The following TACR3 variants were observed in gnomAD, a reference collection of about 807,000 sequenced individuals.
The protein encoded by TACR3 is tachykinin receptor 3.
TACR3 carries 34 observed loss-of-function variants against 35.0 expected under a neutral mutation model. The observed-to-expected ratio is 0.97, with a 90% confidence interval of 0.74 to 1.30. The LOEUF (loss-of-function observed/expected upper bound fraction) is 1.30, where lower values mean the gene tolerates loss of function less well. Among genes scored for constraint, TACR3 ranks in the 50% most tolerant of loss-of-function variants. The probability of loss-of-function intolerance (pLI) is 0.00; values close to 1 mark genes in which losing one functional copy is unlikely to be tolerated. For synonymous variants in TACR3, 233 were observed against 221.1 expected, an observed-to-expected ratio of 1.05 and a Z score of -0.48; for missense variants, 558 against 591.7, an observed-to-expected ratio of 0.94 and a Z score of 0.59.
intron 3 of TACR3, among the ~76,000 whole-genome samples, chr4:103,617,563 GCT>G (rs1460484787): frequency 1.3e-5 from 2 of 152,106 alleles, no homozygotes; most frequent in Non-Finnish European, 2.9e-5. Context: ...ATTAATTGCT[GCT>G]GTTTCTGGTC....
intron 1 of TACR3, among the ~76,000 whole-genome samples, chr4:103,688,536 T>G (rs1432929276): frequency 6.7e-6 from 1 of 149,612 alleles, no homozygotes; most frequent in Non-Finnish European, 1.5e-5. Flanking sequence ...TACAATGAAC[T>G]CAAACAAATT....
chr4:103,643,860 C>T (rs934289216), intron 3 of TACR3, among the ~76,000 whole-genome samples: 6 of 151,708 alleles, frequency 4.0e-5, no homozygotes, highest in Admixed American at 1.3e-4. Context: ...TTCCATCTCT[C>T]CTGAATTTGT....
At chr4:103,680,778 C>A (rs1722052487) in intron 1 of TACR3, among the ~76,000 whole-genome samples, 1 of 151,596 alleles carries the variant, frequency 6.6e-6, no homozygotes, top group Non-Finnish European at 1.5e-5. Flanking sequence ...CCATGAGGAT[C>A]TTTTAAACTC....
At chr4:103,652,642 T>C (rs1036151634) in intron 3 of TACR3, among the ~76,000 whole-genome samples, 1 of 152,150 alleles carries the variant, frequency 6.6e-6, no homozygotes, top group African/African-American at 2.4e-5. Context: ...GAGGCTTCTA[T>C]TTGACCATCC....
intron 1 of TACR3, among the ~76,000 whole-genome samples, chr4:103,663,514 A>C: frequency 6.8e-6 from 1 of 147,570 alleles, no homozygotes; most frequent in South Asian, 2.1e-4. Context: ...AAAAACATAT[A>C]TATAAAGAAT....
At chr4:103,679,946 G>A (rs1726254199) in intron 1 of TACR3, among the ~76,000 whole-genome samples, 1 of 151,828 alleles carries the variant, frequency 6.6e-6, no homozygotes, top group Admixed American at 6.6e-5. Flanking sequence ...GTAGTTTGGT[G>A]TGATAAACCC....
intron 3 of TACR3, among the ~76,000 whole-genome samples, chr4:103,594,408 C>T (rs1251447866): frequency 6.6e-6 from 1 of 152,052 alleles, no homozygotes; most frequent in Admixed American, 6.6e-5. Context: ...AAACTCCTGA[C>T]CTTGTAGATC....
chr4:103,618,367 G>C (rs1176014937), intron 3 of TACR3, among the ~76,000 whole-genome samples: 1 of 152,020 alleles, frequency 6.6e-6, no homozygotes, highest in African/African-American at 2.4e-5. Flanking sequence ...TGTCAGTCTT[G>C]ACAAAGTTCA....
At chr4:103,602,379 T>C (rs1300082960) in intron 3 of TACR3, among the ~76,000 whole-genome samples, 2 of 152,236 alleles carry the variant, frequency 1.3e-5, no homozygotes, top group Non-Finnish European at 2.9e-5. Flanking sequence ...CCTTCTTCTC[T>C]CAACTCCTCT....
chr4:103,676,940 A>G (rs1302986436), intron 1 of TACR3, among the ~76,000 whole-genome samples: 1 of 152,226 alleles, frequency 6.6e-6, no homozygotes, highest in Admixed American at 6.5e-5. Context: ...AGAATGGGAG[A>G]ATATTTTTGC....
rs1491010203 is a variant in TACR3, at chr4:103,590,044, ATG to A, written c.1086-52_1086-51del. ...GAAAAAGTTATTTTTTCAAGCAGATATGTCTTTCAGCTGCCACAGAAAATTCT... is the reference window on the plus strand; with the variant it reads ...GAAAAAGTTATTTTTTCAAGCAGATATCTTTCAGCTGCCACAGAAAATTCT... On this transcript the variant is annotated intron_variant, in intron 4 of 4. Coordinates refer to ENST00000304883, the MANE Select transcript of TACR3 (RefSeq NM_001059.3). 4.5e-6 allele frequency: 7 copies of A among 1,570,550 alleles called. No homozygotes were observed. The Admixed American group carries it at 1.3e-4, about 30-fold the overall frequency.
At chr4:103,644,196 G>A (rs1378805163) in intron 3 of TACR3, among the ~76,000 whole-genome samples, 1 of 151,724 alleles carries the variant, frequency 6.6e-6, no homozygotes, top group Non-Finnish European at 1.5e-5. Context: ...AGATATAGAA[G>A]GCTCTCCTGA....
At chr4:103,693,876 G>C (rs1207524356) in intron 1 of TACR3, among the ~76,000 whole-genome samples, 1 of 151,972 alleles carries the variant, frequency 6.6e-6, no homozygotes, top group Non-Finnish European at 1.5e-5. Context: ...TATTGCTACA[G>C]TTTATTCTGT....
At chr4:103,682,300 T>C (rs1423395425) in intron 1 of TACR3, among the ~76,000 whole-genome samples, 1 of 152,100 alleles carries the variant, frequency 6.6e-6, no homozygotes, top group Admixed American at 6.6e-5. Flanking sequence ...GCTATAAAGA[T>C]ACTACCCAAG....
intron 3 of TACR3, among the ~76,000 whole-genome samples, chr4:103,615,038 G>A (rs1724610956): frequency 6.6e-6 from 1 of 151,532 alleles, no homozygotes; most frequent in South Asian, 2.1e-4. Context: ...GGGACTACAG[G>A]CGCCCGCCAT....
chr4:103,611,051 A>G (rs1253284298), intron 3 of TACR3, among the ~76,000 whole-genome samples: 2 of 152,132 alleles, frequency 1.3e-5, no homozygotes, highest in African/African-American at 4.8e-5. Context: ...AAGGTCGGGT[A>G]GTGTAATGCC....
At chr4:103,694,407 T>C (rs759194901) in intron 1 of TACR3, among the ~76,000 whole-genome samples, 2 of 152,020 alleles carry the variant, frequency 1.3e-5, no homozygotes, top group Non-Finnish European at 2.9e-5. Context: ...CCAGCCTGAG[T>C]TCCAGGTGGA....
intron 3 of TACR3, among the ~76,000 whole-genome samples, chr4:103,621,231 G>GATC (rs900768562): frequency 6.6e-6 from 1 of 152,112 alleles, no homozygotes; most frequent in Non-Finnish European, 1.5e-5. Flanking sequence ...CGAGTCTTCT[G>GATC]ATCACAGAAA....
Position 103,591,558 on chromosome 4 carries a change from G to T in TACR3, c.1014C>A (p.Tyr338Ter). 6.2e-7 allele frequency: 1 copy of T among 1,613,908 alleles called. No individual in the cohort carries two copies. The highest frequency in any genetic ancestry group is 8.5e-7 in the Non-Finnish European group (1 of 1,179,842). The change falls in exon 4 of 5, where the codon TAC becomes TAA. Residue 338 changes from tyrosine (Y) to a stop codon, truncating the protein, a stop_gained. Coordinates refer to ENST00000304883, the MANE Select transcript of TACR3 (RefSeq NM_001059.3). LOFTEE classifies it high-confidence loss of function. ...LNRWKYIQQVYLASFWLAMSS... is the reference protein window; with the variant it reads ...LNRWKYIQQV ...TCATTGCCAGCCAAAAGCTAGCCAG[G>T]TAGACCTGCTGGATGTATTTCCATC...
Sources: gnomAD v4.1 joint callset for allele counts (sites outside exome capture counted in the v4.1 genomes callset) on GRCh38, gnomAD v4.1.1 for gene constraint, MANE v1.5 for transcripts, NCBI Gene and HGNC (gene_info 2026-07-23, HGNC 2026-07-21) for gene names.